The following RBFOX1 variants were observed in gnomAD, a reference collection of about 807,000 sequenced individuals.
The protein encoded by RBFOX1 is RNA binding protein fox-1 homolog 1.
Under a neutral mutation model 57.7 loss-of-function variants are expected in RBFOX1, and 8 were observed. The ratio of observed to expected loss-of-function variants is 0.14; its 90% CI spans 0.08 to 0.25. The LOEUF (loss-of-function observed/expected upper bound fraction) is 0.25. Among genes scored for constraint, RBFOX1 ranks in the 10% least tolerant of loss-of-function variants. The pLI, the probability that RBFOX1 is intolerant of heterozygous loss-of-function variation, is 1.00. For synonymous variants in RBFOX1, 326 were observed against 222.4 expected (o/e 1.47, Z -4.15); for missense variants, 611 against 548.5 (o/e 1.11, Z -1.14).
intron 3 of RBFOX1, among the ~76,000 whole-genome samples, chr16:6,924,106 T>A (rs1597357324): frequency 6.6e-6 from 1 of 151,308 alleles, no homozygotes; most frequent in Non-Finnish European, 1.5e-5. Flanking sequence ...GAGGTGGAGG[T>A]TGCAGTGAGC....
At chr16:6,345,888 A>G (rs961448870) in intron 2 of RBFOX1, among the ~76,000 whole-genome samples, 3 of 152,212 alleles carry the variant, frequency 2.0e-5, no homozygotes, top group Admixed American at 6.5e-5. Context: ...ACATCAATCA[A>G]TACATGTAAG....
intron 3 of RBFOX1, among the ~76,000 whole-genome samples, chr16:5,702,870 T>C (rs956361815): frequency 1.3e-5 from 2 of 152,138 alleles, no homozygotes; most frequent in Middle Eastern, 3.2e-3. Context: ...ATATGAAAGG[T>C]CTTCTTGGTT....
At chr16:7,110,513 C>G (rs1039050756) in intron 4 of RBFOX1, among the ~76,000 whole-genome samples, 4 of 152,238 alleles carry the variant, frequency 2.6e-5, no homozygotes, top group African/African-American at 9.6e-5. Flanking sequence ...ACAGTAGTTG[C>G]ATAGTTGGTT....
chr16:6,299,676 C>G (rs2078573195), intron 1 of RBFOX1, among the ~76,000 whole-genome samples: 1 of 152,124 alleles, frequency 6.6e-6, no homozygotes, highest in African/African-American at 2.4e-5. Flanking sequence ...CTAATGGATC[C>G]TTAATGACTA....
At chr16:6,497,342 C>T (rs1199788599) in intron 2 of RBFOX1, among the ~76,000 whole-genome samples, 3 of 152,138 alleles carry the variant, frequency 2.0e-5, no homozygotes, top group East Asian at 3.9e-4. Flanking sequence ...GTGACATTGA[C>T]ATGGAGCTTG....
intron 3 of RBFOX1, among the ~76,000 whole-genome samples, chr16:6,946,560 T>G (rs2079561665): frequency 6.6e-6 from 1 of 152,170 alleles, no homozygotes; most frequent in Non-Finnish European, 1.5e-5. Flanking sequence ...AAAAGCTTCT[T>G]GCATTTAAAA....
At chr16:7,705,675 A>G (rs960442163) in intron 14 of RBFOX1, among the ~76,000 whole-genome samples, 4 of 152,202 alleles carry the variant, frequency 2.6e-5, no homozygotes, top group South Asian at 2.1e-4. Context: ...GATTAGATTT[A>G]TATTTAAGTG....
intron 4 of RBFOX1, chr16:5,867,442 C>G: frequency 1.2e-6 from 1 of 808,870 alleles, no homozygotes. Flanking sequence ...TGTTTCATTT[C>G]CTGGTGGCTT....
intron 2 of RBFOX1, among the ~76,000 whole-genome samples, chr16:5,585,559 G>T (rs1242306541): frequency 6.6e-6 from 1 of 152,204 alleles, no homozygotes; most frequent in African/African-American, 2.4e-5. Flanking sequence ...TTACCTCTGT[G>T]GAGAGTGCAG....
rs1033545165 is a variant in RBFOX1 at position 7,519,517 on chromosome 16, G to T, written c.270+1128G>T. On this transcript the variant is annotated intron_variant, in intron 5 of 15. Transcript: ENST00000550418. The stretch of plus-strand genomic sequence containing the variant: ...ATCATCACTGTAAATGAAAACTGGT[G>T]TTTTGATCATTAATCAAATATAACT... 3 of 184,058 alleles carry T rather than the reference G, an allele frequency of 1.6e-5. No homozygotes were observed. The South Asian group carries it at 5.5e-4, about 34-fold the overall frequency. The allele number at this position is 184,058 out of a possible 1,614,324, so 11.4% of individuals were successfully genotyped here. A position where few individuals can be genotyped will look rare whatever the true frequency, so the allele number is the denominator to read the frequency against.
In RBFOX1 at chr16:7,315,459, C is replaced by T. The variant is rs112715149; in HGVS notation, c.28-202688C>T. On this transcript the variant is annotated intron_variant, in intron 4 of 15. Coordinates refer to ENST00000550418, the MANE Select transcript of RBFOX1 (RefSeq NM_018723.4). ...GATTAAAGCCCTACTCTACCCTACC[C>T]CCCCCCCCATACTGGGGGCTTGAAT... Among the ~76,000 whole-genome samples the T allele has an allele frequency of 3.7e-3, 550 of 147,662 alleles. 5 individuals are homozygous for T. Among genetic ancestry groups the T allele is most frequent in the African/African-American group, 0.013 (501 of 38,294 alleles).
intron 1 of RBFOX1, among the ~76,000 whole-genome samples, chr16:5,353,770 T>G (rs1477904947): frequency 6.7e-6 from 1 of 149,038 alleles, no homozygotes; most frequent in Non-Finnish European, 1.5e-5. Context: ...CACTGCCGAG[T>G]GCTCCCTTAG....
chr16:7,321,616 G>A (rs912564601), intron 4 of RBFOX1, among the ~76,000 whole-genome samples: 8 of 152,194 alleles, frequency 5.3e-5, no homozygotes, highest in African/African-American at 1.9e-4. Context: ...GATAGTCATA[G>A]GATTTACCTT....
intron 1 of RBFOX1, among the ~76,000 whole-genome samples, chr16:5,277,002 C>T (rs2063157687): frequency 6.6e-6 from 1 of 152,150 alleles, no homozygotes; most frequent in South Asian, 2.1e-4. Flanking sequence ...CACATGTTTA[C>T]ATCAGCAAAA....
chr16:6,779,975 ATATATT>A (rs1444541484), intron 3 of RBFOX1, among the ~76,000 whole-genome samples: 12 of 57,634 alleles, frequency 2.1e-4, no homozygotes, highest in East Asian at 7.8e-4. Context: ...ATATATATTT[ATATATT>A]TATATATTTA....
At chr16:6,601,164 G>T (rs1161008853) in intron 2 of RBFOX1, among the ~76,000 whole-genome samples, 1 of 152,154 alleles carries the variant, frequency 6.6e-6, no homozygotes, top group Non-Finnish European at 1.5e-5. Flanking sequence ...GAACAGAAAG[G>T]AATTAGATAT....
At chr16:6,790,951 G>A (rs2082822279) in intron 3 of RBFOX1, among the ~76,000 whole-genome samples, 1 of 151,982 alleles carries the variant, frequency 6.6e-6, no homozygotes, top group Admixed American at 6.6e-5. Flanking sequence ...TGTCACCCAG[G>A]TTGGAGTGCA....
intron 4 of RBFOX1, among the ~76,000 whole-genome samples, chr16:7,252,272 T>G (rs9933883): frequency 6.6e-6 from 1 of 152,036 alleles, no homozygotes; most frequent in Non-Finnish European, 1.5e-5. Flanking sequence ...CTTTAAATTT[T>G]AAGCTTTTCC....
intron 3 of RBFOX1, among the ~76,000 whole-genome samples, chr16:6,925,393 G>A (rs956539889): frequency 4.6e-5 from 7 of 151,628 alleles, no homozygotes; most frequent in Non-Finnish European, 7.4e-5. Flanking sequence ...CGAACGTGCC[G>A]GGATTATAGG....
Sources: gnomAD v4.1 joint callset for allele counts (sites outside exome capture counted in the v4.1 genomes callset) on GRCh38, gnomAD v4.1.1 for gene constraint, MANE v1.5 for transcripts, NCBI Gene and HGNC (gene_info 2026-07-23, HGNC 2026-07-21) for gene names.